The following CTBP2 variants were observed in gnomAD, a reference collection of about 807,000 sequenced individuals.
The protein encoded by CTBP2 is C-terminal-binding protein 2.
Under a neutral mutation model 80.3 loss-of-function variants are expected in CTBP2, and 30 were observed. The observed-to-expected ratio is 0.37, with a 90% CI of 0.28 to 0.51. The LOEUF (loss-of-function observed/expected upper bound fraction) is 0.51, where lower values mean the gene tolerates loss of function less well. CTBP2 is among the 20% of genes least tolerant of loss of function. The probability of loss-of-function intolerance (pLI) is 0.93; values close to 1 mark genes in which losing one functional copy is unlikely to be tolerated. For synonymous variants in CTBP2, 594 were observed against 587.4 expected (o/e 1.01, Z -0.16); for missense variants, 1,212 against 1,375.3 (o/e 0.88, Z 1.88).
At chr10:125,100,040 T>A (rs1850371013) in intron 2 of CTBP2, among the ~76,000 whole-genome samples, 1 of 152,218 alleles carries the variant, frequency 6.6e-6, no homozygotes, top group Non-Finnish European at 1.5e-5. Flanking sequence ...TCTGAAAACC[T>A]TCTCATATTG....
chr10:125,038,867 G>T (rs1308498468), intron 3 of CTBP2, 130 bp downstream of exon 3: 2 of 876,292 alleles, frequency 2.3e-6, no homozygotes, highest in Admixed American at 4.6e-5. Context: ...GGTGCCAATG[G>T]TATGCAGTGT....
intron 2 of CTBP2, among the ~76,000 whole-genome samples, chr10:125,104,436 A>G (rs1345259511): frequency 6.6e-6 from 1 of 152,224 alleles, no homozygotes; most frequent in East Asian, 1.9e-4. Flanking sequence ...TGTTTCTTTT[A>G]AACAGTATAC....
chr10:125,098,737 A>G (rs543883304), intron 2 of CTBP2, among the ~76,000 whole-genome samples: 5 of 135,748 alleles, frequency 3.7e-5, no homozygotes, highest in Non-Finnish European at 4.8e-5. Flanking sequence ...AGAGAGAGAG[A>G]GAGAGAGAGA....
At chr10:125,053,295 G>A (rs1224997377) in intron 2 of CTBP2, among the ~76,000 whole-genome samples, 1 of 152,126 alleles carries the variant, frequency 6.6e-6, no homozygotes, top group Non-Finnish European at 1.5e-5. Context: ...AAAGGACATG[G>A]GAGCAGGAGG....
At chr10:125,114,472 T>C (rs1339756101) in intron 1 of CTBP2, among the ~76,000 whole-genome samples, 1 of 151,966 alleles carries the variant, frequency 6.6e-6, no homozygotes, top group Non-Finnish European at 1.5e-5. Context: ...ACCTTCCACA[T>C]ATAGGAAACT....
rs1439030927 is a variant in CTBP2, at chr10:124,988,248, T to C, written c.*1270A>G. 6.6e-6 allele frequency: 1 copy of C among 152,642 alleles called. No individual in the cohort carries two copies. The highest frequency in any genetic ancestry group is 1.5e-5 in the Non-Finnish European group (1 of 68,036). The allele number at this position is 152,642 out of a possible 1,614,324, so 9.5% of individuals were successfully genotyped here. A position where few individuals can be genotyped will look rare whatever the true frequency, so the allele number is the denominator to read the frequency against. On this transcript the variant is annotated 3_prime_UTR_variant, in exon 9 of 9. Transcript: ENST00000309035. ...ACCCTGTAGTAACAAGAGCTGGAAA[T>C]TGGCTAATTGACAATGCAATTGCCT...
At chr10:125,103,651 C>G (rs770519361) in intron 2 of CTBP2, among the ~76,000 whole-genome samples, 1 of 152,142 alleles carries the variant, frequency 6.6e-6, no homozygotes, top group African/African-American at 2.4e-5. Context: ...AAAGTGGCCT[C>G]GAGCAGCTGG....
At chr10:125,137,856 C>T (rs995593667) in intron 1 of CTBP2, among the ~76,000 whole-genome samples, 8 of 152,170 alleles carry the variant, frequency 5.3e-5, no homozygotes, top group Admixed American at 2.6e-4. Flanking sequence ...TTATTCTTAT[C>T]GAGGTAAGGC....
intron 2 of CTBP2, among the ~76,000 whole-genome samples, chr10:125,062,706 C>T (rs1188782729): frequency 6.6e-6 from 1 of 152,048 alleles, no homozygotes; most frequent in Non-Finnish European, 1.5e-5. Context: ...ACTAAAAATA[C>T]AAAAAATTAG....
intron 1 of CTBP2, among the ~76,000 whole-genome samples, chr10:125,149,753 T>G (rs1204263747): frequency 6.6e-6 from 1 of 152,212 alleles, no homozygotes; most frequent in Non-Finnish European, 1.5e-5. Context: ...GACCTTACCC[T>G]CTATGGAAAG....
rs1441878909 is a variant in CTBP2, at chr10:125,015,989, T to C, written c.1678+10093A>G. On this transcript the variant is annotated intron_variant, in intron 1 of 8. Coordinates refer to ENST00000309035, the MANE Select transcript of CTBP2 (RefSeq NM_022802.3). ...TGGATGGCTCAGTCTGACTTCTCAC[T>C]GTGTGAAAGTTTGAGAACGCCTACT... 2.6e-5 allele frequency among the ~76,000 whole-genome samples: 4 copies of C among 152,120 alleles called. No individual in the cohort carries two copies. In the East Asian group the frequency reaches 7.7e-4, roughly 29 times the overall value.
At chr10:125,033,027 T>C (rs1267866471), upstream of CTBP2, among the ~76,000 whole-genome samples, 1 of 152,216 alleles carries the variant, frequency 6.6e-6, no homozygotes, top group African/African-American at 2.4e-5. Flanking sequence ...CAGCCTTTCT[T>C]AGGATACGAA....
intron 2 of CTBP2, among the ~76,000 whole-genome samples, chr10:125,054,551 G>T (rs1408149076): frequency 6.6e-6 from 1 of 152,228 alleles, no homozygotes; most frequent in Non-Finnish European, 1.5e-5. Flanking sequence ...ACCAAGCTAA[G>T]CTGTGCAGGT....
At chr10:125,142,744 G>T (rs1858049517) in intron 1 of CTBP2, among the ~76,000 whole-genome samples, 1 of 152,142 alleles carries the variant, frequency 6.6e-6, no homozygotes, top group Non-Finnish European at 1.5e-5. Flanking sequence ...CAACTGAGGG[G>T]TGGCTGAGCC....
intron 3 of CTBP2, among the ~76,000 whole-genome samples, chr10:125,033,473 G>A (rs1264571679): frequency 1.3e-5 from 2 of 152,166 alleles, no homozygotes; most frequent in Non-Finnish European, 2.9e-5. Flanking sequence ...AACACTGTAC[G>A]TTCTGGAAAA....
intron 1 of CTBP2, chr10:125,159,918 CGCCGCCGCT>C (rs1255023713): frequency 1.3e-5 from 2 of 153,662 alleles, no homozygotes; most frequent in East Asian, 3.8e-4. Context: ...CCGCCGCCGC[CGCCGCCGCT>C]GCCCTCCGGA....
upstream of CTBP2, among the ~76,000 whole-genome samples, chr10:125,030,516 C>T (rs1564752020): frequency 6.6e-6 from 1 of 152,216 alleles, no homozygotes; most frequent in Non-Finnish European, 1.5e-5. Flanking sequence ...AGTGGGTACC[C>T]TCCGACGGAG....
intron 2 of CTBP2, among the ~76,000 whole-genome samples, chr10:125,087,251 T>C (rs1217361364): frequency 1.3e-5 from 2 of 151,978 alleles, no homozygotes. Flanking sequence ...TTTGTATTTT[T>C]AGTAGAGACG....
At chr10:125,002,595 G>A (rs1954680108) in intron 3 of CTBP2, among the ~76,000 whole-genome samples, 1 of 152,152 alleles carries the variant, frequency 6.6e-6, no homozygotes, top group Non-Finnish European at 1.5e-5. Context: ...CACACGGCAG[G>A]GGTCATTTAG....
Sources: allele counts gnomAD v4.1 joint callset (sites outside exome capture counted in the v4.1 genomes callset), GRCh38; gene constraint gnomAD v4.1.1; transcripts MANE v1.5; gene names NCBI Gene and HGNC (gene_info 2026-07-23, HGNC 2026-07-21).